CEBPZOS: variants seen among roughly 807,000 people sequenced by gnomAD.
The protein encoded by CEBPZOS is protein CEBPZOS.
CEBPZOS carries 10 observed loss-of-function variants against 4.8 expected under a neutral mutation model. The ratio of observed to expected loss-of-function variants is 2.07; its 90% confidence interval spans 1.28 to 3.52. CEBPZOS has a LOEUF of 3.52. Among genes scored for constraint, CEBPZOS ranks in the 30% most tolerant of loss-of-function variants. The pLI is 0.00. For missense variants in CEBPZOS, 98 were observed against 43.6 expected (o/e 2.25, Z -3.51); for synonymous variants, 25 against 14.2 (o/e 1.77, Z -1.72).
chr2:37,206,516 C>T (rs537636118), downstream of CEBPZOS, among the ~76,000 whole-genome samples: 25 of 152,304 alleles, frequency 1.6e-4, no homozygotes, highest in South Asian at 4.6e-3. Context: ...TACCAACATG[C>T]CCAGCTAATT....
At chr2:37,209,219 C>T (rs1236946926), downstream of CEBPZOS, 1 of 152,048 alleles carries the variant, frequency 6.6e-6, no homozygotes, top group Admixed American at 6.6e-5. Flanking sequence ...ACCATACTGC[C>T]AAAAGCAATC....
Position 37,197,894 on chromosome 2 carries a change from C to T in CEBPZOS, c.-2+1374C>T, listed in dbSNP as rs1458507407. ...AATAAAAATAGGCCAGGCGCGGTGG[C>T]CCACGCCTGTAATCCTAGCACTTTG... On this transcript the variant is annotated intron_variant, in intron 1 of 4. Transcript: ENST00000402297. 1.1e-4 allele frequency among the ~76,000 whole-genome samples: 16 copies of T among 151,608 alleles called. No individual in the cohort carries two copies. In the East Asian group the frequency reaches 2.9e-3, roughly 28 times the overall value.
chr2:37,201,186 A>C (rs550393998), intron 3 of CEBPZOS, 94 bp downstream of exon 3: 1 of 661,532 alleles, frequency 1.5e-6, no homozygotes, highest in East Asian at 2.7e-5. Flanking sequence ...ATTTCTAACA[A>C]TACTATTCAC....
Position 37,202,022 on chromosome 2 carries a change from C to A in CEBPZOS, c.*162C>A. On this transcript the variant is annotated 3_prime_UTR_variant, in exon 5 of 5. Coordinates refer to ENST00000402297, the MANE Select transcript of CEBPZOS (RefSeq NM_001322374.2). ...CTGCCTTGGCCTGTGGTTTCCCACCCACTATACAAACCCACTGCTTGTTTG... is the reference window on the plus strand; with the variant it reads ...CTGCCTTGGCCTGTGGTTTCCCACCAACTATACAAACCCACTGCTTGTTTG... 1.2e-6 allele frequency: 1 copy of A among 801,784 alleles called. No homozygotes were observed. The highest frequency in any genetic ancestry group is 2.2e-5 in the South Asian group (1 of 46,254). 49.7% of individuals were successfully genotyped at this position (801,784 alleles called of 1,614,324 possible). A position where few individuals can be genotyped will look rare whatever the true frequency, so the allele number is the denominator to read the frequency against.
At chr2:37,200,998 T>C in intron 2 of CEBPZOS, 50 bp from the exon 3 acceptor site, 1 of 710,004 alleles carries the variant, frequency 1.4e-6, no homozygotes, top group African/African-American at 1.8e-5. Context: ...TGTGTTAATA[T>C]AATGAATTTC....
chr2:37,200,800 C>A (rs1206158612), intron 2 of CEBPZOS, among the ~76,000 whole-genome samples: 1 of 152,176 alleles, frequency 6.6e-6, no homozygotes, highest in African/African-American at 2.4e-5. Flanking sequence ...GAGCCCAGCC[C>A]AGGGGGGTCT....
chr2:37,211,357 C>T (rs1294306323), intron 4 of CEBPZOS: 1 of 280,294 alleles, frequency 3.6e-6, no homozygotes, highest in South Asian at 1.3e-4. Context: ...CAAGAAACTT[C>T]TGCTGTGGTT....
At chr2:37,209,146 GAC>G (rs1677638072), downstream of CEBPZOS, 1 of 151,848 alleles carries the variant, frequency 6.6e-6, no homozygotes, top group Non-Finnish European at 1.5e-5. Context: ...AGAAACCACA[GAC>G]ACACACAAAT....
chr2:37,215,656 C>G (rs1375310873), downstream of CEBPZOS: 1 of 153,366 alleles, frequency 6.5e-6, no homozygotes, highest in African/African-American at 2.4e-5. Flanking sequence ...GCTTTGAATA[C>G]AACAACAGAC....
At chr2:37,208,558 T>A (rs897553332), downstream of CEBPZOS, among the ~76,000 whole-genome samples, 1 of 152,066 alleles carries the variant, frequency 6.6e-6, no homozygotes, top group South Asian at 2.1e-4. Context: ...ATCATCTCAA[T>A]AGACGCAGAA....
downstream of CEBPZOS, chr2:37,209,008 G>T (rs1321597322): frequency 1.4e-5 from 2 of 141,720 alleles, no homozygotes; most frequent in Non-Finnish European, 3.0e-5. Context: ...ACCAAGCTGA[G>T]AATCAAATCA....
At position 37,211,615 on chromosome 2, in the gene CEBPZOS, A is replaced by G. The variant is rs561387711; in HGVS notation, c.*3-1822A>G. Reference sequence around the variant, plus strand: ...TGTACAGAGAAGCTAGCTGCTGGTTAAAGTAAAAGTCCAAAGCTCAAAAAG... The same window carrying G: ...TGTACAGAGAAGCTAGCTGCTGGTTGAAGTAAAAGTCCAAAGCTCAAAAAG... On this transcript the variant is annotated intron_variant, in intron 4 of 4. Coordinates refer to the CEBPZOS transcript ENST00000397064. 7.0e-5 allele frequency: 32 copies of G among 457,928 alleles called. 1 individual carries two copies. Among genetic ancestry groups the G allele is most frequent in the Admixed American group, 3.9e-4 (10 of 25,780 alleles). 28.4% of individuals were successfully genotyped at this position (457,928 alleles called of 1,614,324 possible). A position where few individuals can be genotyped will look rare whatever the true frequency, so the allele number is the denominator to read the frequency against.
downstream of CEBPZOS, chr2:37,213,926 TTTTG>T (rs1307162029): frequency 4.4e-6 from 7 of 1,591,694 alleles, no homozygotes; most frequent in Admixed American, 1.8e-5. Context: ...TGCATCCCGT[TTTTG>T]TTTCTCTTTA....
chr2:37,212,361 A>G (rs751741355), intron 4 of CEBPZOS: 1 of 1,613,650 alleles, frequency 6.2e-7, no homozygotes, highest in South Asian at 1.1e-5. Context: ...CATCCTTTCC[A>G]GAGCTGAAAC....
chr2:37,206,235 A>G (rs371060730), downstream of CEBPZOS, among the ~76,000 whole-genome samples: 5 of 152,382 alleles, frequency 3.3e-5, no homozygotes, highest in East Asian at 7.7e-4. Flanking sequence ...CAACGTGTTT[A>G]GTCTCCTTAA....
At chr2:37,196,579 C>A (rs564270442) in intron 1 of CEBPZOS, 59 bp downstream of exon 1, 2 of 152,536 alleles carry the variant, frequency 1.3e-5, no homozygotes, top group East Asian at 3.9e-4. Context: ...CCTAGTGCGA[C>A]GAGAGTGGGG....
At chr2:37,211,893 T>C in intron 4 of CEBPZOS, 1 of 1,612,002 alleles carries the variant, frequency 6.2e-7, no homozygotes. Flanking sequence ...TGTTCCTCCA[T>C]CTTCATCAAC....
downstream of CEBPZOS, chr2:37,209,590 T>A (rs1558469513): frequency 1.3e-5 from 2 of 152,168 alleles, no homozygotes; most frequent in Non-Finnish European, 2.9e-5. Context: ...GCAAGCCACA[T>A]GTAGGAGAAT....
chr2:37,212,439 T>C (rs763357280), intron 4 of CEBPZOS: 2 of 1,463,158 alleles, frequency 1.4e-6, no homozygotes, highest in Non-Finnish European at 9.6e-7. Flanking sequence ...AATGACAAGC[T>C]TGACATATAT....
Sources: allele counts gnomAD v4.1 joint callset (sites outside exome capture counted in the v4.1 genomes callset), GRCh38; gene constraint gnomAD v4.1.1; transcripts MANE v1.5; gene names NCBI Gene and HGNC (gene_info 2026-07-23, HGNC 2026-07-21).